RGPD1: variants seen among roughly 807,000 people sequenced by gnomAD.
RGPD1 encodes the protein RANBP2 like and GRIP domain containing 1.
A neutral mutation model predicts 40.6 loss-of-function variants in RGPD1; 7 were observed. That is an observed-to-expected ratio of 0.17 (90% CI 0.10 to 0.32). RGPD1 has a LOEUF of 0.32. Among genes scored for constraint, RGPD1 ranks in the 10% least tolerant of loss-of-function variants. The pLI is 1.00. For missense variants in RGPD1, 50 were observed against 472.5 expected, an observed-to-expected ratio of 0.11 and a Z score of 8.29; for synonymous variants, 24 against 167.0, an observed-to-expected ratio of 0.14 and a Z score of 6.60.
At chr2:86,925,029 G>C (rs1678375054) in intron 1 of RGPD1, among the ~76,000 whole-genome samples, 1 of 152,128 alleles carries the variant, frequency 6.6e-6, no homozygotes, top group South Asian at 2.1e-4. Context: ...GCTGAGGTTG[G>C]AGGATGTTAA....
At position 86,951,873 on chromosome 2, in the gene RGPD1, GTTTT is replaced by G. The variant is rs71269535; in HGVS notation, c.137+535_137+538del. On this transcript the variant is annotated intron_variant, in intron 2 of 22. Transcript: ENST00000641458. ...AGCAGGAAATTAAGAGGGAGGCAGG[GTTTT>G]TTTTTTTTTTTTTTTTTTTTTAGGC... Among the ~76,000 whole-genome samples the G allele has an allele frequency of 1.1e-3, 54 of 50,958 alleles. 3 individuals carry two copies. The highest frequency in any genetic ancestry group is 6.6e-3 in the African/African-American group (52 of 7,882). 33.4% of individuals were successfully genotyped at this position (50,958 alleles called of 152,430 possible).
chr2:86,929,689 CTTTTTT>C (rs753911867), intron 1 of RGPD1, among the ~76,000 whole-genome samples: 1,199 of 49,788 alleles, frequency 0.024, no homozygotes, highest in South Asian at 0.041. Context: ...AGCCCACACT[CTTTTTT>C]TTTTTTTTTT....
chr2:86,913,905 C>A (rs1430895272), exon 1 of RGPD1: 1 of 1,558,132 alleles, frequency 6.4e-7, no homozygotes, highest in South Asian at 1.2e-5. Context: ...CAGGGCTCCG[C>A]CCCGTCGCCT....
intron 1 of RGPD1, chr2:86,922,820 G>T (rs1678124338): frequency 5.5e-6 from 1 of 180,622 alleles, no homozygotes; most frequent in Non-Finnish European, 1.0e-5. Context: ...TTTTAATACT[G>T]AATAGCAATT....
chr2:86,930,597 T>A (rs1678869422), intron 1 of RGPD1: 2 of 1,611,270 alleles, frequency 1.2e-6, no homozygotes, highest in Admixed American at 1.7e-5. Flanking sequence ...GAGCTCATAG[T>A]AGTAGGTGCA....
At chr2:86,971,083 G>C (rs975323140) in intron 8 of RGPD1, among the ~76,000 whole-genome samples, 1 of 18,932 alleles carries the variant, frequency 5.3e-5, no homozygotes. Context: ...CGCCCAGGCT[G>C]GAGTGCAGTG....
At chr2:86,930,643 A>G in intron 1 of RGPD1, 1 of 1,611,536 alleles carries the variant, frequency 6.2e-7, no homozygotes, top group African/African-American at 1.3e-5. Flanking sequence ...ACACTCTCAC[A>G]GAGGTAGGGC....
intron 22 of RGPD1, among the ~76,000 whole-genome samples, chr2:87,007,705 C>T (rs1446438111): frequency 6.6e-6 from 1 of 152,246 alleles, no homozygotes. Context: ...GACAAATTAG[C>T]TCTTAGAGAA....
intron 22 of RGPD1, among the ~76,000 whole-genome samples, chr2:87,009,094 A>G (rs1202754361): frequency 4.3e-5 from 6 of 141,028 alleles, no homozygotes; most frequent in Non-Finnish European, 9.2e-5. Flanking sequence ...TCGCAAGGTC[A>G]GGAGATCGAG....
chr2:86,941,017 G>T (rs548356664), upstream of RGPD1, among the ~76,000 whole-genome samples: 28 of 150,608 alleles, frequency 1.9e-4, no homozygotes, highest in East Asian at 4.9e-3. Flanking sequence ...TTTTAGAAAG[G>T]CAATACTTGT....
At chr2:86,988,440 C>A (rs1681573447) in intron 20 of RGPD1, among the ~76,000 whole-genome samples, 1 of 75,634 alleles carries the variant, frequency 1.3e-5, no homozygotes, top group Non-Finnish European at 2.7e-5. Flanking sequence ...GACTTTGTCT[C>A]CAAAAAAAAA....
intron 1 of RGPD1, among the ~76,000 whole-genome samples, chr2:86,944,105 G>A (rs746848723): frequency 2.6e-5 from 4 of 152,090 alleles, no homozygotes; most frequent in Admixed American, 1.3e-4. Context: ...CTAAGCATAC[G>A]TTATCTTATT....
At chr2:87,000,512 A>G (rs1217972965) in intron 22 of RGPD1, among the ~76,000 whole-genome samples, 1 of 96,030 alleles carries the variant, frequency 1.0e-5, no homozygotes, top group African/African-American at 5.5e-5. Flanking sequence ...GTAAACAGAC[A>G]GGAAAACACA....
chr2:86,944,966 G>A (rs544354226), intron 1 of RGPD1, among the ~76,000 whole-genome samples: 10 of 150,462 alleles, frequency 6.6e-5, no homozygotes, highest in African/African-American at 2.0e-4. Flanking sequence ...TGATCCTCTC[G>A]CCTTGGCCAC....
intron 1 of RGPD1, among the ~76,000 whole-genome samples, chr2:86,943,417 A>G (rs1680074633): frequency 6.6e-6 from 1 of 151,998 alleles, no homozygotes. Flanking sequence ...TCCTCTTTAC[A>G]GGTAAATAAT....
At chr2:86,942,635 A>AGGCGCCGGCCTCGACCTGGCCGGGCGGC (rs1679949091) in intron 1 of RGPD1, among the ~76,000 whole-genome samples, 1 of 114,378 alleles carries the variant, frequency 8.7e-6, no homozygotes, top group African/African-American at 3.3e-5. Context: ...CGCTCTGTTG[A>AGGCGCCGGCCTCGACCTGGCCGGGCGGC]GGCGCCGGCC....
upstream of RGPD1, among the ~76,000 whole-genome samples, chr2:86,941,869 C>T (rs1274992950): frequency 3.3e-5 from 5 of 151,570 alleles, no homozygotes; most frequent in Admixed American, 2.0e-4. Context: ...CACCTCCACG[C>T]CCGGGTAATT....
chr2:86,932,893 CAG>C (rs1207299962), intron 1 of RGPD1, among the ~76,000 whole-genome samples: 1 of 114,634 alleles, frequency 8.7e-6, no homozygotes, highest in Non-Finnish European at 1.8e-5. Context: ...AATTTATTCT[CAG>C]AAATATTAGT....
At chr2:86,993,526 T>TTGGA (rs1163277052) in intron 20 of RGPD1, among the ~76,000 whole-genome samples, 1 of 70,728 alleles carries the variant, frequency 1.4e-5, no homozygotes, top group East Asian at 3.8e-4. Context: ...AATTGGATGG[T>TTGGA]TGGATGGATG....
Sources: gnomAD v4.1 joint callset for allele counts (sites outside exome capture counted in the v4.1 genomes callset) on GRCh38, gnomAD v4.1.1 for gene constraint, MANE v1.5 for transcripts, NCBI Gene and HGNC (gene_info 2026-07-23, HGNC 2026-07-21) for gene names.